The following PPP2R2A variants were observed in gnomAD, a reference collection of about 807,000 sequenced individuals.
PPP2R2A encodes the protein serine/threonine-protein phosphatase 2A 55 kDa regulatory subunit B alpha isoform.
In PPP2R2A, 9 loss-of-function variants were observed where a neutral mutation model predicts 53.2. That is an observed-to-expected ratio of 0.17 (90% CI 0.10 to 0.30). The LOEUF is 0.30. Ranked by LOEUF, PPP2R2A falls within the 10% of genes least tolerant of loss-of-function variation. The pLI, the probability that PPP2R2A is intolerant of heterozygous loss-of-function variation, is 1.00. For missense variants in PPP2R2A, 235 were observed against 534.6 expected (o/e 0.44, Z 5.53); for synonymous variants, 169 against 174.2 (o/e 0.97, Z 0.23).
At chr8:26,301,251 T>G (rs1801768101) in intron 2 of PPP2R2A, among the ~76,000 whole-genome samples, 4 of 152,204 alleles carry the variant, frequency 2.6e-5, no homozygotes, top group African/African-American at 9.6e-5. Flanking sequence ...GTAGATACTT[T>G]TTATTTTGAA....
At position 26,338,732 on chromosome 8, in the gene PPP2R2A, A is replaced by T. The variant is rs1033960469; in HGVS notation, c.83-158A>T. 7.2e-5 allele frequency among the ~76,000 whole-genome samples: 11 copies of T among 152,208 alleles called. No individual in the cohort carries two copies. ...TATTAGTGGATCAAAATATTTATGA[A>T]AGAACTTTAGATTCATGTTATTTCT... is the stretch of plus-strand genomic sequence containing the variant. On this transcript the variant is annotated intron_variant, in intron 2 of 9. Transcript: ENST00000380737. The surrounding 1 kb of genome is among the most constrained non-coding windows in gnomAD (Gnocchi z 4.5).
At chr8:26,313,453 C>G (rs1337719980) in intron 2 of PPP2R2A, among the ~76,000 whole-genome samples, 1 of 152,198 alleles carries the variant, frequency 6.6e-6, no homozygotes, top group Admixed American at 6.5e-5. Flanking sequence ...TCCCAGCTTT[C>G]TTGGTGTTGT....
intron 9 of PPP2R2A, among the ~76,000 whole-genome samples, chr8:26,367,777 G>A (rs963566998): frequency 1.3e-5 from 2 of 152,162 alleles, no homozygotes; most frequent in African/African-American, 4.8e-5. Flanking sequence ...CATTCACAGC[G>A]ATGCAGTACT....
Position 26,370,565 on chromosome 8 carries a change from G to A in PPP2R2A, c.*152G>A, listed in dbSNP as rs1462572160. On this transcript the variant is annotated 3_prime_UTR_variant, in exon 10 of 10. Transcript: ENST00000380737. This position sits in a 1 kb window ranked among gnomAD's most constrained non-coding sequence, Gnocchi z 6.1. The stretch of plus-strand genomic sequence containing the variant: ...GACAACACATTGTTATAGCTACATG[G>A]AGAAAGCTCTGTGGATTCATCACTG... 1.3e-5 allele frequency: 11 copies of A among 857,566 alleles called. No individual in the cohort carries two copies. The highest frequency in any genetic ancestry group is 1.6e-5 in the Non-Finnish European group (9 of 565,768). The allele number at this position is 857,566 out of a possible 1,614,324, so 53.1% of individuals were successfully genotyped here.
intron 3 of PPP2R2A, among the ~76,000 whole-genome samples, chr8:26,341,466 G>A (rs1803941586): frequency 6.6e-6 from 1 of 152,140 alleles, no homozygotes; most frequent in Admixed American, 6.5e-5. Context: ...GAATTCACAT[G>A]TATATATCTG....
chr8:26,323,956 C>G (rs1404908563), intron 2 of PPP2R2A, among the ~76,000 whole-genome samples: 1 of 152,224 alleles, frequency 6.6e-6, no homozygotes, highest in Non-Finnish European at 1.5e-5. Context: ...TGTTTTCACA[C>G]AACAGATTTA....
chr8:26,315,236 G>T (rs1321319351), intron 2 of PPP2R2A, among the ~76,000 whole-genome samples: 1 of 152,080 alleles, frequency 6.6e-6, no homozygotes, highest in Non-Finnish European at 1.5e-5. Flanking sequence ...AGTAAATTAG[G>T]AGCTTTGTGT....
chr8:26,319,012 C>T (rs969010300), intron 2 of PPP2R2A, among the ~76,000 whole-genome samples: 1 of 152,186 alleles, frequency 6.6e-6, no homozygotes, highest in East Asian at 1.9e-4. Flanking sequence ...AAAACATTAA[C>T]TCCTCATTCC....
chr8:26,361,763 C>G (rs1805095477), intron 6 of PPP2R2A, among the ~76,000 whole-genome samples: 1 of 151,978 alleles, frequency 6.6e-6, no homozygotes, highest in Admixed American at 6.6e-5. Flanking sequence ...AGTTCAAAAC[C>G]AGCCTGGCCA....
chr8:26,363,403 G>T (rs1805216722), intron 7 of PPP2R2A: 1 of 204,278 alleles, frequency 4.9e-6, no homozygotes, highest in African/African-American at 2.3e-5. Context: ...GATGATACAG[G>T]CAGTCAGTGA....
At chr8:26,300,789 TG>T (rs1801745466) in intron 2 of PPP2R2A, among the ~76,000 whole-genome samples, 1 of 152,134 alleles carries the variant, frequency 6.6e-6, no homozygotes, top group Non-Finnish European at 1.5e-5. Context: ...AGGTGGAGGT[TG>T]CAGTGAGCCG....
At chr8:26,361,978 T>G (rs781599398) in intron 6 of PPP2R2A, among the ~76,000 whole-genome samples, 3 of 148,538 alleles carry the variant, frequency 2.0e-5, no homozygotes, top group Non-Finnish European at 4.5e-5. Context: ...TATATATATA[T>G]AGATTTATAT....
At chr8:26,314,332 G>A (rs1397439912) in intron 2 of PPP2R2A, among the ~76,000 whole-genome samples, 1 of 152,158 alleles carries the variant, frequency 6.6e-6, no homozygotes, top group African/African-American at 2.4e-5. Context: ...TTCAATCTGG[G>A]CAGTTTCTAA....
chr8:26,313,368 G>A lies in PPP2R2A; in HGVS notation c.82+19628G>A, dbSNP rs544569157. 5.3e-5 allele frequency among the ~76,000 whole-genome samples: 8 copies of A among 152,158 alleles called. No homozygotes were observed. In the South Asian group the frequency reaches 1.2e-3, roughly 24 times the overall value. The stretch of plus-strand genomic sequence containing the variant: ...TATTTCTAAACTACATGCTCATACA[G>A]CTGTTTTTAAAAGCAATCCACAGAT... On this transcript the variant is annotated intron_variant, in intron 2 of 9. Coordinates refer to ENST00000380737, the MANE Select transcript of PPP2R2A (RefSeq NM_002717.4).
Position 26,321,515 on chromosome 8 carries a change from G to T in PPP2R2A, c.83-17375G>T, listed in dbSNP as rs1802838064. On this transcript the variant is annotated intron_variant, in intron 2 of 9. Coordinates refer to ENST00000380737, the MANE Select transcript of PPP2R2A (RefSeq NM_002717.4). This position sits in a 1 kb window ranked among gnomAD's most constrained non-coding sequence, Gnocchi z 4.1. Reference sequence around the variant, plus strand: ...AAGATGCTGGGATGCTGCTTCAGAGGTTAGGTTACAGAAAGGTTTTGGCAT... The same window carrying T: ...AAGATGCTGGGATGCTGCTTCAGAGTTTAGGTTACAGAAAGGTTTTGGCAT... 6.6e-6 allele frequency among the ~76,000 whole-genome samples: 1 copy of T among 152,204 alleles called. No homozygotes were observed. Among genetic ancestry groups the T allele is most frequent in the Admixed American group, 6.5e-5 (1 of 15,280 alleles).
At chr8:26,300,910 T>C (rs562413518) in intron 2 of PPP2R2A, among the ~76,000 whole-genome samples, 1 of 152,358 alleles carries the variant, frequency 6.6e-6, no homozygotes, top group East Asian at 1.9e-4. Flanking sequence ...AATAAACTGC[T>C]ATATAGTCAT....
chr8:26,350,480 G>A (rs1319108087), intron 3 of PPP2R2A: 1 of 152,150 alleles, frequency 6.6e-6, no homozygotes, highest in Non-Finnish European at 1.5e-5. Flanking sequence ...GCTCACTGTA[G>A]CCTCAAACTT....
At chr8:26,294,585 C>T (rs1392327342) in intron 2 of PPP2R2A, among the ~76,000 whole-genome samples, 2 of 152,094 alleles carry the variant, frequency 1.3e-5, no homozygotes, top group Non-Finnish European at 2.9e-5. Context: ...TAGGAATTTT[C>T]CAAACAAAAC....
At chr8:26,305,642 A>G (rs1431828468) in intron 2 of PPP2R2A, among the ~76,000 whole-genome samples, 2 of 152,158 alleles carry the variant, frequency 1.3e-5, no homozygotes, top group East Asian at 3.8e-4. Context: ...TTTTAGGTAC[A>G]TGGAGGTCCA....
Sources: allele counts gnomAD v4.1 joint callset (sites outside exome capture counted in the v4.1 genomes callset), GRCh38; gene constraint gnomAD v4.1.1; non-coding constraint Gnocchi (gnomAD v3.1); transcripts MANE v1.5; gene names NCBI Gene and HGNC (gene_info 2026-07-23, HGNC 2026-07-21).